The following ABCA13 variants were observed in gnomAD, a reference collection of about 807,000 sequenced individuals.
ABCA13 encodes the protein ATP binding cassette subfamily A member 13.
In ABCA13, 476 loss-of-function variants were observed where a neutral mutation model predicts 478.7. The observed-to-expected ratio is 0.99, with a 90% CI of 0.92 to 1.07. ABCA13 has a LOEUF of 1.07. Among genes scored for constraint, ABCA13 ranks in the 50% least tolerant of loss-of-function variants. The pLI is 0.00. For missense variants in ABCA13, 6,060 were observed against 5,910.6 expected (o/e 1.03, Z -0.83); for synonymous variants, 2,252 against 2,158.9 (o/e 1.04, Z -1.20).
At chr7:48,533,863 C>A (rs1307042245) in intron 55 of ABCA13, among the ~76,000 whole-genome samples, 1 of 151,994 alleles carries the variant, frequency 6.6e-6, no homozygotes, top group Non-Finnish European at 1.5e-5. Flanking sequence ...CTTTCCACCC[C>A]TTTACCTTAA....
At chr7:48,571,968 A>C (rs763068372) in intron 55 of ABCA13, among the ~76,000 whole-genome samples, 2 of 152,174 alleles carry the variant, frequency 1.3e-5, no homozygotes, top group Non-Finnish European at 2.9e-5. Flanking sequence ...ACTTAAGGTT[A>C]GGAGTTCAAC....
chr7:48,613,540 C>T (rs1244695701), intron 58 of ABCA13, among the ~76,000 whole-genome samples: 3 of 151,646 alleles, frequency 2.0e-5, no homozygotes, highest in African/African-American at 7.2e-5. Context: ...ACTACAAATC[C>T]CTTAATAGCT....
At chr7:48,222,332 C>T (rs1435160004) in intron 5 of ABCA13, among the ~76,000 whole-genome samples, 1 of 152,066 alleles carries the variant, frequency 6.6e-6, no homozygotes, top group Non-Finnish European at 1.5e-5. Context: ...ATTATAATAC[C>T]TGATGCTTGT....
At chr7:48,428,068 CTG>C (rs1220057572) in intron 42 of ABCA13, among the ~76,000 whole-genome samples, 197 bp downstream of exon 42, 1 of 149,334 alleles carries the variant, frequency 6.7e-6, no homozygotes, top group Non-Finnish European at 1.5e-5. Flanking sequence ...AAAAAAAAAA[CTG>C]TGTGTTTATG....
intron 30 of ABCA13, among the ~76,000 whole-genome samples, chr7:48,351,544 A>T (rs536621901): frequency 2.0e-5 from 3 of 152,198 alleles, no homozygotes; most frequent in Admixed American, 2.0e-4. Context: ...TCTGCACCTC[A>T]TCTTCCCTCT....
chr7:48,239,308 C>G lies in ABCA13; in HGVS notation c.965C>G (p.Ala322Gly), dbSNP rs1790450535. 6.2e-7 allele frequency: 1 copy of G among 1,613,842 alleles called. No homozygotes were observed. Among genetic ancestry groups the G allele is most frequent in the African/African-American group, 1.3e-5 (1 of 74,914 alleles). ...SVLSSTSEDEAEKWGHVGGCH... is the reference protein window; with the variant it reads ...SVLSSTSEDEGEKWGHVGGCH... ...TTGTCTAGCACATCAGAGGATGAAG[C>G]TGAGAAATGGGGCCACGTTGGAGGC... The change falls in exon 9 of 62, where the codon GCT becomes GGT. Residue 322 changes from alanine (A) to glycine (G), a missense_variant. Physicochemically the swap from Ala to Gly is moderately conservative, Grantham distance 60. Around this residue, in one of 3 missense-constraint regions of ABCA13, gnomAD observed 4,423 missense variants for 4,309.1 expected, o/e 1.03. Transcript: ENST00000435803.
At chr7:48,641,730 G>C (rs1795115442) in intron 59 of ABCA13, among the ~76,000 whole-genome samples, 1 of 152,150 alleles carries the variant, frequency 6.6e-6, no homozygotes, top group Non-Finnish European at 1.5e-5. Flanking sequence ...ACAGCTGAGA[G>C]CTCTCCCAGG....
chr7:48,199,247 T>A (rs2128913966), intron 3 of ABCA13, among the ~76,000 whole-genome samples: 1 of 152,256 alleles, frequency 6.6e-6, no homozygotes, highest in South Asian at 2.1e-4. Flanking sequence ...TTATAAATGG[T>A]GTTGTTTTAG....
intron 9 of ABCA13, among the ~76,000 whole-genome samples, chr7:48,239,986 G>A (rs1022074698): frequency 1.1e-4 from 16 of 152,210 alleles, no homozygotes; most frequent in African/African-American, 2.9e-4. Flanking sequence ...ACAGCTTTGC[G>A]CTTCTTGGGG....
At position 48,594,733 on chromosome 7, in the gene ABCA13, T is replaced by C; in HGVS notation, c.14664T>C (p.Asp4888=). The C allele has an allele frequency of 6.2e-7, 1 of 1,613,972 alleles. No homozygotes were observed. Among genetic ancestry groups the C allele is most frequent in the Non-Finnish European group, 8.5e-7 (1 of 1,179,834 alleles). The change falls in exon 58 of 62, where the codon GAT becomes GAC. Residue 4888 remains aspartate, a synonymous_variant. Coordinates refer to ENST00000435803, the MANE Select transcript of ABCA13 (RefSeq NM_152701.5). The part of the protein sequence containing the change: ...LLLDEPSSGM[D]PCSKRYLWQT... The stretch of plus-strand genomic sequence containing the variant: ...AGGATGAGCCCAGCTCTGGGATGGA[T>C]CCCTGCTCTAAGCGGTACCTGTGGC...
chr7:48,257,876 G>A (rs1793626774), intron 15 of ABCA13, among the ~76,000 whole-genome samples: 1 of 152,110 alleles, frequency 6.6e-6, no homozygotes. Context: ...TTTCAGTAGG[G>A]ATGGTATCAG....
chr7:48,308,339 G>C (rs751431801), intron 23 of ABCA13, among the ~76,000 whole-genome samples: 15 of 151,984 alleles, frequency 9.9e-5, no homozygotes, highest in Non-Finnish European at 1.5e-4. Context: ...GCCTGTGGCT[G>C]TTTTACAGTT....
chr7:48,449,747 T>C (rs1824754864), intron 42 of ABCA13, among the ~76,000 whole-genome samples: 1 of 152,244 alleles, frequency 6.6e-6, no homozygotes, highest in Non-Finnish European at 1.5e-5. Flanking sequence ...TTTTCATGTC[T>C]GCCAATTATT....
chr7:48,579,360 G>A (rs181160062), intron 55 of ABCA13, among the ~76,000 whole-genome samples: 1 of 152,298 alleles, frequency 6.6e-6, no homozygotes. Flanking sequence ...ATGCAAATAA[G>A]TTCATAAGAT....
chr7:48,284,657 T>TTG (rs773310567), intron 19 of ABCA13, among the ~76,000 whole-genome samples: 5 of 152,250 alleles, frequency 3.3e-5, no homozygotes, highest in Non-Finnish European at 5.9e-5. Flanking sequence ...ATTTTGCCAT[T>TTG]CTGTATTGCA....
At chr7:48,184,364 G>A (rs1299890934) in intron 1 of ABCA13, among the ~76,000 whole-genome samples, 1 of 152,064 alleles carries the variant, frequency 6.6e-6, no homozygotes, top group African/African-American at 2.4e-5. Flanking sequence ...TCAAGTCTAT[G>A]GCTGGTCTTT....
chr7:48,491,141 T>C (rs1447235050), intron 48 of ABCA13, among the ~76,000 whole-genome samples: 2 of 151,934 alleles, frequency 1.3e-5, no homozygotes, highest in Non-Finnish European at 2.9e-5. Flanking sequence ...AGGGGCGAGG[T>C]GATTTGTGCA....
rs17132196 is a variant in ABCA13, at chr7:48,274,733, A to G, written c.5067A>G (p.Leu1689=). The change falls in exon 17 of 62, where the codon CTA becomes CTG. Residue 1689 remains leucine (L), a synonymous_variant. Coordinates refer to ENST00000435803, the MANE Select transcript of ABCA13 (RefSeq NM_152701.5). ...VDQLEQVSVN[L]MDFFKNISSV... ...AGCTTGAACAAGTTAGTGTAAACCT[A>G]ATGGATTTCTTTAAGAATATCAGTA... The G allele has an allele frequency of 9.2e-3, 14,785 of 1,613,940 alleles. 126 individuals are homozygous for G. The highest frequency in any genetic ancestry group is 0.056 in the Middle Eastern group (342 of 6,062).
At chr7:48,447,756 A>G (rs1448427741) in intron 42 of ABCA13, among the ~76,000 whole-genome samples, 1 of 152,222 alleles carries the variant, frequency 6.6e-6, no homozygotes, top group African/African-American at 2.4e-5. Context: ...ATCACCCATC[A>G]GACCTTACTG....
Sources: allele counts gnomAD v4.1 joint callset (sites outside exome capture counted in the v4.1 genomes callset), GRCh38; gene constraint gnomAD v4.1.1; regional missense constraint gnomAD v4.1.1; transcripts MANE v1.5; gene names NCBI Gene and HGNC (gene_info 2026-07-23, HGNC 2026-07-21).